Variants in TMEM209 observed in about 807,000 individuals in gnomAD.
The protein encoded by TMEM209 is testicular tissue protein Li 202.
TMEM209 carries 65 observed loss-of-function variants against 76.2 expected under a neutral mutation model. The ratio of observed to expected loss-of-function variants is 0.85; its 90% CI spans 0.70 to 1.05. The LOEUF (loss-of-function observed/expected upper bound fraction) is 1.05. TMEM209 is among the 50% of genes least tolerant of loss of function. The pLI is 0.00. For missense variants in TMEM209, 623 were observed against 685.5 expected, an observed-to-expected ratio of 0.91 and a Z score of 1.02; for synonymous variants, 239 against 237.6, an observed-to-expected ratio of 1.01 and a Z score of -0.06.
At chr7:130,204,986 G>A (rs1798386639) in intron 1 of TMEM209, 2 of 1,121,870 alleles carry the variant, frequency 1.8e-6, no homozygotes, top group Admixed American at 4.0e-5. Context: ...GGTGGTGAGC[G>A]GAGTAAGAGG....
intron 11 of TMEM209, among the ~76,000 whole-genome samples, chr7:130,174,704 G>C (rs1243576557): frequency 1.3e-5 from 2 of 152,028 alleles, no homozygotes; most frequent in African/African-American, 4.8e-5. Context: ...GTAATTCTAG[G>C]AGTCTCTCTT....
chr7:130,175,981 A>G (rs1797222540), intron 10 of TMEM209, among the ~76,000 whole-genome samples: 1 of 152,190 alleles, frequency 6.6e-6, no homozygotes, highest in Non-Finnish European at 1.5e-5. Context: ...CTAAAAAGTA[A>G]TGTCTGCAAT....
chr7:130,175,431 C>G, intron 11 of TMEM209, 81 bp downstream of exon 11: 1 of 1,350,590 alleles, frequency 7.4e-7, no homozygotes, highest in Non-Finnish European at 1.0e-6. Context: ...CACTGCACTA[C>G]AGCCTGGGTG....
chr7:130,192,907 A>G, intron 5 of TMEM209, 84 bp from the exon 6 acceptor site: 1 of 1,337,352 alleles, frequency 7.5e-7, no homozygotes, highest in Non-Finnish European at 1.0e-6. Context: ...TAAAACACCT[A>G]GTAGAATGGC....
intron 11 of TMEM209, 46 bp from the exon 12 acceptor site, chr7:130,173,985 A>G (rs1797158570): frequency 1.5e-6 from 2 of 1,297,136 alleles, no homozygotes; most frequent in South Asian, 1.2e-5. Flanking sequence ...ATGAAAATCT[A>G]GCATGGATGT....
intron 1 of TMEM209, chr7:130,205,109 C>G: frequency 7.1e-7 from 1 of 1,414,002 alleles, no homozygotes; most frequent in Non-Finnish European, 9.2e-7. Context: ...CAGCGACAAG[C>G]AGTCGTATCC....
intron 8 of TMEM209, 88 bp from the exon 9 acceptor site, chr7:130,181,807 A>AT (rs543959048): frequency 2.6e-5 from 27 of 1,056,034 alleles, no homozygotes; most frequent in South Asian, 4.3e-5. Flanking sequence ...AACTCTAAGA[A>AT]TTTTTTTTAC....
chr7:130,191,447 AGT>A (rs1368259172), intron 6 of TMEM209, among the ~76,000 whole-genome samples: 2 of 152,166 alleles, frequency 1.3e-5, no homozygotes, highest in Non-Finnish European at 2.9e-5. Context: ...ACCATCAAGA[AGT>A]GTGACAGTGA....
chr7:130,172,566 G>A (rs1021966148), intron 13 of TMEM209, among the ~76,000 whole-genome samples: 7 of 151,894 alleles, frequency 4.6e-5, no homozygotes, highest in African/African-American at 9.7e-5. Flanking sequence ...GGATGGTCTC[G>A]ATCTCCTGAC....
intron 7 of TMEM209, among the ~76,000 whole-genome samples, chr7:130,184,933 T>G (rs1301964825): frequency 6.6e-6 from 1 of 152,208 alleles, no homozygotes; most frequent in Non-Finnish European, 1.5e-5. Context: ...CTGAGAGCCT[T>G]TTTATAATCA....
At chr7:130,192,986 G>C (rs1210459232) in intron 5 of TMEM209, among the ~76,000 whole-genome samples, 163 bp from the exon 6 acceptor site, 1 of 152,160 alleles carries the variant, frequency 6.6e-6, no homozygotes, top group Non-Finnish European at 1.5e-5. Context: ...CTCATTCTTT[G>C]CTGGTGGGAA....
chr7:130,190,268 C>T (rs1462367531), intron 6 of TMEM209, among the ~76,000 whole-genome samples: 2 of 152,254 alleles, frequency 1.3e-5, no homozygotes, highest in East Asian at 3.9e-4. Flanking sequence ...CTGTAATTCC[C>T]AGCACTTTGG....
At chr7:130,191,565 A>G (rs1797797240) in intron 6 of TMEM209, among the ~76,000 whole-genome samples, 1 of 152,162 alleles carries the variant, frequency 6.6e-6, no homozygotes, top group Admixed American at 6.5e-5. Context: ...GTCTCAAACA[A>G]ACAAACACAA....
intron 10 of TMEM209, 123 bp from the exon 11 acceptor site, chr7:130,175,732 C>A: frequency 1.4e-6 from 1 of 704,166 alleles, no homozygotes. Context: ...ACACCCAAAC[C>A]TAAAGAAATA....
rs565992702 is a variant in TMEM209, at chr7:130,166,341, C to T, written c.*110G>A. ...TCTGTTAAATCTAAAGAGTCTGTAA[C>T]ATACACCCATGTGTATTTTATTTCA... On this transcript the variant is annotated 3_prime_UTR_variant, in exon 15 of 15. Transcript: ENST00000397622. 1.7e-4 allele frequency: 134 copies of T among 773,782 alleles called. 2 individuals carry two copies. The African/African-American group carries it at 2.1e-3, about 12-fold the overall frequency. The allele number at this position is 773,782 out of a possible 1,614,324, so 47.9% of individuals were successfully genotyped here.
At chr7:130,190,515 T>C (rs999761958) in intron 6 of TMEM209, among the ~76,000 whole-genome samples, 7 of 136,494 alleles carry the variant, frequency 5.1e-5, no homozygotes, top group African/African-American at 1.7e-4. Context: ...CAAGACTCCA[T>C]CTCAAAAAAA....
intron 4 of TMEM209, 91 bp downstream of exon 4, chr7:130,202,441 C>T (rs1452055254): frequency 1.3e-6 from 2 of 1,500,490 alleles, no homozygotes; most frequent in African/African-American, 2.8e-5. Flanking sequence ...ATGTCCCTTC[C>T]AGCTTTGAGT....
At chr7:130,186,519 G>C (rs936003964) in intron 6 of TMEM209, among the ~76,000 whole-genome samples, 1 of 152,154 alleles carries the variant, frequency 6.6e-6, no homozygotes. Context: ...TTAATAAATA[G>C]AGAACAGAAA....
chr7:130,191,947 T>G lies in TMEM209; in HGVS notation c.775+675A>C, dbSNP rs992998458. 3.3e-5 allele frequency among the ~76,000 whole-genome samples: 5 copies of G among 152,198 alleles called. No homozygotes were observed. The East Asian group carries it at 9.6e-4, about 29-fold the overall frequency. ...GCAAAATGAAATTAGAAATCACTGG[T>G]GAGACTCCAAGCGACACAAAGAGTC... On this transcript the variant is annotated intron_variant, in intron 6 of 14. Coordinates refer to ENST00000397622, the MANE Select transcript of TMEM209 (RefSeq NM_032842.4).
Sources: gnomAD v4.1 joint callset for allele counts (sites outside exome capture counted in the v4.1 genomes callset) on GRCh38, gnomAD v4.1.1 for gene constraint, MANE v1.5 for transcripts, NCBI Gene and HGNC (gene_info 2026-07-23, HGNC 2026-07-21) for gene names.